Variants in CEP83 observed in about 807,000 individuals in gnomAD.
CEP83 encodes centrosomal protein 83, also known as centrosomal protein of 83 kDa.
Under a neutral mutation model 101.9 loss-of-function variants are expected in CEP83, and 70 were observed. The ratio of observed to expected loss-of-function variants is 0.69; its 90% CI spans 0.57 to 0.84. CEP83 has a LOEUF of 0.84. Among genes scored for constraint, CEP83 ranks in the 40% least tolerant of loss-of-function variants. CEP83 has a pLI of 0.00. For missense variants in CEP83, 715 were observed against 787.2 expected, an observed-to-expected ratio of 0.91 and a Z score of 1.10; for synonymous variants, 264 against 267.9, an observed-to-expected ratio of 0.99 and a Z score of 0.14.
Position 94,308,655 on chromosome 12 carries a change from A to G in CEP83, c.*158T>C, listed in dbSNP as rs1017458657. 8 of 468,830 alleles carry G rather than the reference A, an allele frequency of 1.7e-5. No individual in the cohort carries two copies. The highest frequency in any genetic ancestry group is 1.6e-4 in the African/African-American group (8 of 50,196). 29.0% of individuals were successfully genotyped at this position (468,830 alleles called of 1,614,324 possible). ...TCACTTGTATAATCTTAAAATCCTG[A>G]CAGTCATACAATACAGCATGTAGTA... On this transcript the variant is annotated 3_prime_UTR_variant, in exon 17 of 17. Transcript: ENST00000397809.
chr12:94,337,774 C>T (rs1029825658), intron 11 of CEP83, among the ~76,000 whole-genome samples: 2 of 151,482 alleles, frequency 1.3e-5, no homozygotes, highest in African/African-American at 2.4e-5. Context: ...ATACAGGTGA[C>T]GAAGAGTATA....
At chr12:94,322,941 T>C (rs1460417821) in intron 14 of CEP83, among the ~76,000 whole-genome samples, 6 of 152,184 alleles carry the variant, frequency 3.9e-5, no homozygotes, top group Middle Eastern at 3.4e-3. Flanking sequence ...AAAAGCAGGG[T>C]CTGGGACCTG....
chr12:94,376,456 A>T (rs1333493279), intron 7 of CEP83, among the ~76,000 whole-genome samples: 1 of 119,236 alleles, frequency 8.4e-6, no homozygotes, highest in Non-Finnish European at 2.0e-5. Context: ...CAATGATTTT[A>T]AAAAAAGAAA....
intron 9 of CEP83, chr12:94,368,993 C>T (rs2061161136): frequency 2.0e-5 from 3 of 152,178 alleles, no homozygotes; most frequent in Admixed American, 1.3e-4. Context: ...CATTTCAAAA[C>T]ATGAAAGGCA....
chr12:94,425,550 A>C (rs1218178361), intron 2 of CEP83, among the ~76,000 whole-genome samples: 1 of 152,192 alleles, frequency 6.6e-6, no homozygotes, highest in Non-Finnish European at 1.5e-5. Context: ...GTGAGCACTG[A>C]GTTGATGATA....
At chr12:94,351,864 A>C (rs2060212808) in intron 11 of CEP83, among the ~76,000 whole-genome samples, 1 of 152,208 alleles carries the variant, frequency 6.6e-6, no homozygotes, top group Non-Finnish European at 1.5e-5. Flanking sequence ...GGCCCCTATC[A>C]ACACCAAAGA....
intron 2 of CEP83, chr12:94,424,676 C>T: frequency 6.2e-7 from 1 of 1,612,936 alleles, no homozygotes; most frequent in Non-Finnish European, 8.5e-7. Flanking sequence ...AAAGCCATAG[C>T]CTTTACATTT....
intron 13 of CEP83, among the ~76,000 whole-genome samples, chr12:94,332,285 T>C (rs941902876): frequency 2.0e-5 from 3 of 152,218 alleles, no homozygotes; most frequent in African/African-American, 4.8e-5. Flanking sequence ...GTCTTCTGAC[T>C]AGAGTAAAAT....
intron 11 of CEP83, among the ~76,000 whole-genome samples, chr12:94,337,627 C>T (rs567739016): frequency 6.6e-6 from 1 of 152,044 alleles, no homozygotes; most frequent in South Asian, 2.1e-4. Context: ...AGAAAATATA[C>T]CTTATAACAG....
Position 94,335,677 on chromosome 12 carries a change from AC to A in CEP83, c.1344-14del. 1 of 1,532,954 alleles carries A rather than the reference AC, an allele frequency of 6.5e-7. No individual in the cohort carries two copies. The highest frequency in any genetic ancestry group is 8.9e-7 in the Non-Finnish European group (1 of 1,123,100). 95.0% of individuals were successfully genotyped at this position (1,532,954 alleles called of 1,614,324 possible). ...CTGAAGTTTTAACCTAAAAATCACA[AC>A]CCAACAAAAGGCATTATTAAGAATC... On this transcript the variant is annotated splice_polypyrimidine_tract_variant and intron_variant, in intron 11 of 16. Coordinates refer to ENST00000397809, the MANE Select transcript of CEP83 (RefSeq NM_016122.3).
chr12:94,408,275 A>C (rs1593800624), intron 4 of CEP83, among the ~76,000 whole-genome samples: 1 of 152,230 alleles, frequency 6.6e-6, no homozygotes, highest in Non-Finnish European at 1.5e-5. Context: ...AAAATAGGCC[A>C]ATCTTTTACA....
chr12:94,358,112 T>C (rs535551656), intron 11 of CEP83, among the ~76,000 whole-genome samples: 88 of 152,328 alleles, frequency 5.8e-4, no homozygotes, highest in African/African-American at 1.7e-3. Flanking sequence ...CAATTTAACA[T>C]AGTTGAAGTT....
At chr12:94,284,830 A>C in the CEP83 span, among the ~76,000 whole-genome samples, 1 of 152,216 alleles carries the variant, frequency 6.6e-6, no homozygotes, top group African/African-American at 2.4e-5. Flanking sequence ...TCTGAGTCTT[A>C]TCCCAAGAAC....
At chr12:94,459,190 A>G (rs532261726) in intron 1 of CEP83, among the ~76,000 whole-genome samples, 2 of 152,378 alleles carry the variant, frequency 1.3e-5, no homozygotes, top group East Asian at 3.9e-4. Context: ...TAACCAAAGT[A>G]TTTAAACCCA....
At chr12:94,363,450 A>C (rs2060872371) in intron 11 of CEP83, among the ~76,000 whole-genome samples, 1 of 152,222 alleles carries the variant, frequency 6.6e-6, no homozygotes, top group South Asian at 2.1e-4. Flanking sequence ...AAAAATTAAA[A>C]ACAGAATTAC....
At chr12:94,293,632 GTTTA>G in the CEP83 span, among the ~76,000 whole-genome samples, 1 of 152,130 alleles carries the variant, frequency 6.6e-6, no homozygotes, top group Non-Finnish European at 1.5e-5. Flanking sequence ...TTCCTCCTCT[GTTTA>G]GAGACAAGGT....
intron 14 of CEP83, among the ~76,000 whole-genome samples, chr12:94,325,135 C>G (rs930105234): frequency 1.3e-5 from 2 of 152,050 alleles, no homozygotes; most frequent in Admixed American, 1.3e-4. Flanking sequence ...GCCTGACCAC[C>G]TACATAAAAC....
At chr12:94,287,209 C>T in the CEP83 span, among the ~76,000 whole-genome samples, 23 of 152,228 alleles carry the variant, frequency 1.5e-4, no homozygotes, top group East Asian at 3.8e-4. Flanking sequence ...AAGGGTTAAG[C>T]GTGTCTTTAC....
At chr12:94,340,046 T>G (rs534639754) in intron 11 of CEP83, among the ~76,000 whole-genome samples, 1 of 152,238 alleles carries the variant, frequency 6.6e-6, no homozygotes, top group Non-Finnish European at 1.5e-5. Context: ...GATAGTTTTT[T>G]GGTTTGTTTT....
Sources: allele counts gnomAD v4.1 joint callset (sites outside exome capture counted in the v4.1 genomes callset), GRCh38; gene constraint gnomAD v4.1.1; transcripts MANE v1.5; gene names NCBI Gene and HGNC (gene_info 2026-07-23, HGNC 2026-07-21).